The following CBX2 variants were observed in gnomAD, a reference collection of about 807,000 sequenced individuals.
CBX2 encodes the protein chromobox protein homolog 2.
Under a neutral mutation model 21.0 loss-of-function variants are expected in CBX2, and 11 were observed. The observed-to-expected ratio is 0.52, with a 90% CI of 0.33 to 0.87. The LOEUF is 0.87. Among genes scored for constraint, CBX2 ranks in the 40% least tolerant of loss-of-function variants. The pLI, the probability that CBX2 is intolerant of heterozygous loss-of-function variation, is 0.02. For missense variants in CBX2, 746 were observed against 724.3 expected (o/e 1.03, Z -0.34); for synonymous variants, 364 against 304.6 (o/e 1.19, Z -2.03).
intron 3 of CBX2, among the ~76,000 whole-genome samples, chr17:79,780,386 C>T (rs544129434): frequency 9.2e-5 from 14 of 152,232 alleles, no homozygotes; most frequent in South Asian, 4.1e-4. Context: ...TCTGGTGGGG[C>T]GAGCAAAAAG....
intron 4 of CBX2, chr17:79,782,113 G>C (rs782376373): frequency 2.5e-6 from 4 of 1,613,352 alleles, no homozygotes; most frequent in East Asian, 2.2e-5. Flanking sequence ...GGGGGTCCTT[G>C]GGGGACGGAA....
upstream of CBX2, among the ~76,000 whole-genome samples, chr17:79,777,846 C>G (rs1287124290): frequency 1.1e-4 from 17 of 150,534 alleles, no homozygotes; most frequent in Admixed American, 7.3e-4. Flanking sequence ...CCGGGAATCA[C>G]GCGGGACTCG....
At position 79,784,982 on chromosome 17, in the gene CBX2, C is replaced by T. The variant is rs1555831456; in HGVS notation, c.1539C>T (p.Ile513=). The T allele has an allele frequency of 1.2e-6, 2 of 1,607,680 alleles. No individual in the cohort carries two copies. Among genetic ancestry groups the T allele is most frequent in the Non-Finnish European group, 1.7e-6 (2 of 1,179,990 alleles). The change falls in exon 5 of 5, where the codon ATC becomes ATT. Residue 513 remains isoleucine (I), a synonymous_variant. Transcript: ENST00000310942. The surrounding 1 kb of genome is among the most constrained non-coding windows in gnomAD (Gnocchi z 5.9). ...VFVTDVTANL[I]TVTVKESPTS... The stretch of plus-strand genomic sequence containing the variant: ...TCACCGACGTCACTGCCAACCTCAT[C>T]ACCGTCACAGTGAAGGAGTCTCCCA...
intron 3 of CBX2, among the ~76,000 whole-genome samples, chr17:79,781,487 T>TA (rs1907195720): frequency 6.6e-6 from 1 of 152,178 alleles, no homozygotes; most frequent in Admixed American, 6.5e-5. Context: ...AGCTTGTCCT[T>TA]AGCCAAATGA....
intron 4 of CBX2, chr17:79,782,361 C>T: frequency 6.9e-7 from 1 of 1,445,218 alleles, no homozygotes; most frequent in Non-Finnish European, 9.1e-7. Flanking sequence ...CCTGTCACCC[C>T]TCCTCGCTAC....
chr17:79,783,694 G>A (rs1034922091), intron 4 of CBX2, 38 bp from the exon 5 acceptor site: 1 of 1,528,174 alleles, frequency 6.5e-7, no homozygotes, highest in African/African-American at 1.4e-5. Context: ...ACAGGCGTGA[G>A]CCACTGCACC....
chr17:79,784,744 G>A lies in CBX2; in HGVS notation c.1301G>A (p.Ser434Asn). ...AGCAAGAGGGACTGTGTCAAGGGCA[G>A]TGCTACCCCCAGTGGGCAGGAGAGC... is the stretch of plus-strand genomic sequence containing the variant. Reference protein sequence around the residue: ...PASKRDCVKGSATPSGQESRT... With the variant: ...PASKRDCVKGNATPSGQESRT... The change falls in exon 5 of 5, where the codon AGT becomes AAT. Residue 434 changes from serine to asparagine, a missense_variant. Transcript: ENST00000310942. The surrounding 1 kb of genome is among the most constrained non-coding windows in gnomAD (Gnocchi z 5.9). 1 of 1,611,146 alleles carries A rather than the reference G, an allele frequency of 6.2e-7. No homozygotes were observed. The highest frequency in any genetic ancestry group is 8.5e-7 in the Non-Finnish European group (1 of 1,179,176).
chr17:79,786,472 C>CA lies in CBX2; in HGVS notation c.*1432dup, dbSNP rs1392012580. On this transcript the variant is annotated 3_prime_UTR_variant, in exon 5 of 5. Coordinates refer to ENST00000310942, the MANE Select transcript of CBX2 (RefSeq NM_005189.3). The stretch of plus-strand genomic sequence containing the variant: ...CTCGGCCCTGAGGCCCCTGTTAACT[C>CA]AAGACTGTGAGCTGCCTCTAGGTGG... 6.6e-6 allele frequency: 1 copy of CA among 150,402 alleles called. No individual in the cohort carries two copies. The highest frequency in any genetic ancestry group is 1.5e-5 in the Non-Finnish European group (1 of 68,084). 9.3% of individuals were successfully genotyped at this position (150,402 alleles called of 1,614,324 possible). A position where few individuals can be genotyped will look rare whatever the true frequency, so the allele number is the denominator to read the frequency against.
Position 79,778,151 on chromosome 17 carries a change from G to A in CBX2, c.-85G>A. ...CGGGCCGGCGCCGGGCGGGGGCGGT[G>A]CTTTGTGTGCTGCCGGCGGGGCGCG... is the stretch of plus-strand genomic sequence containing the variant. On this transcript the variant is annotated 5_prime_UTR_variant, in exon 1 of 5. Coordinates refer to ENST00000310942, the MANE Select transcript of CBX2 (RefSeq NM_005189.3). The surrounding 1 kb of genome is among the most constrained non-coding windows in gnomAD (Gnocchi z 4.8). The A allele has an allele frequency of 1.4e-6, 1 of 714,344 alleles. No homozygotes were observed. Among genetic ancestry groups the A allele is most frequent in the Non-Finnish European group, 1.8e-6 (1 of 561,550 alleles). The allele number at this position is 714,344 out of a possible 1,614,324, so 44.3% of individuals were successfully genotyped here.
At chr17:79,778,119 C>A, upstream of CBX2, 1 of 317,142 alleles carries the variant, frequency 3.2e-6, no homozygotes, top group Non-Finnish European at 4.5e-6. The surrounding 1 kb of genome is among the most constrained non-coding windows in gnomAD (Gnocchi z 4.8). Context: ...GGTGCGCGTG[C>A]GCGGGGCGGG....
rs781956526 is a variant in CBX2 at position 79,784,308 on chromosome 17, G to A, written c.865G>A (p.Asp289Asn). Residue 289 changes from aspartate (D) to asparagine (N), a missense_variant, in exon 5 of 5, where the codon GAC becomes AAC. Physicochemically the swap from Asp to Asn is conservative, Grantham distance 23. This residue lies in a region of CBX2 where 701 missense variants were observed against 650.7 expected (regional missense o/e 1.08). Coordinates refer to ENST00000310942, the MANE Select transcript of CBX2 (RefSeq NM_005189.3). This position sits in a 1 kb window ranked among gnomAD's most constrained non-coding sequence, Gnocchi z 5.9. ...CACCAACAAGTGCGGCCTCGGGCTG[G>A]ACCTGAAGGTGAGGACGCAGAAAGG... ...QATNKCGLGL[D>N]LKVRTQKGEL... 6.8e-6 allele frequency: 11 copies of A among 1,613,118 alleles called. No homozygotes were observed. Among genetic ancestry groups the A allele is most frequent in the Non-Finnish European group, 8.5e-6 (10 of 1,179,960 alleles).
chr17:79,782,774 C>T (rs782225831), intron 4 of CBX2, among the ~76,000 whole-genome samples: 7 of 152,112 alleles, frequency 4.6e-5, no homozygotes, highest in Non-Finnish European at 8.8e-5. Flanking sequence ...GGAGATCACT[C>T]CTGTTGAAGT....
At position 79,783,714 on chromosome 17, in the gene CBX2, T is replaced by C. The variant is rs1242543845; in HGVS notation, c.289-18T>C. 3.2e-6 allele frequency: 5 copies of C among 1,550,550 alleles called. No individual in the cohort carries two copies. The highest frequency in any genetic ancestry group is 4.4e-6 in the Non-Finnish European group (5 of 1,146,132). Reference sequence around the variant, plus strand: ...CGTGAGCCACTGCACCCAGCCAACTTCTCCTTTATCTTTCCAGGAACCCGA... The same window carrying C: ...CGTGAGCCACTGCACCCAGCCAACTCCTCCTTTATCTTTCCAGGAACCCGA... On this transcript the variant is annotated intron_variant, in intron 4 of 4. Transcript: ENST00000310942.
In CBX2 at chr17:79,784,361, C is replaced by G. The variant is rs1555831187; in HGVS notation, c.918C>G (p.Ser306Arg). Residue 306 changes from serine (S) to arginine (R), a missense_variant, in exon 5 of 5, where the codon AGC becomes AGG. This residue lies in a region of CBX2 where 701 missense variants were observed against 650.7 expected (regional missense o/e 1.08). Coordinates refer to ENST00000310942, the MANE Select transcript of CBX2 (RefSeq NM_005189.3). The surrounding 1 kb of genome is among the most constrained non-coding windows in gnomAD (Gnocchi z 5.9). Reference sequence around the variant, plus strand: ...AGCTGGGAATGAGCCCTCCAGGAAGCAAAATCCCGAAGGCCCCCAGCGGTG... The same window carrying G: ...AGCTGGGAATGAGCCCTCCAGGAAGGAAAATCCCGAAGGCCCCCAGCGGTG... ...KGELGMSPPG[S>R]KIPKAPSGGA... The G allele has an allele frequency of 6.2e-7, 1 of 1,613,104 alleles. No homozygotes were observed. Among genetic ancestry groups the G allele is most frequent in the Non-Finnish European group, 8.5e-7 (1 of 1,179,884 alleles).
At chr17:79,777,365 C>T (rs1340261215), upstream of CBX2, among the ~76,000 whole-genome samples, 5 of 152,120 alleles carry the variant, frequency 3.3e-5, no homozygotes, top group African/African-American at 1.2e-4. Context: ...TCATCAAAAT[C>T]GGGGAACAAA....
Position 79,784,427 on chromosome 17 carries a change from G to A in CBX2, c.984G>A (p.Pro328=), listed in dbSNP as rs782524266. ...EQKVGNTGGP[P]HTHGASRVPA... is the part of the protein sequence containing the mutation. ...AAGTGGGGAACACAGGGGGCCCCCC[G>A]CACACCCATGGTGCCAGCAGGGTGC... is the stretch of plus-strand genomic sequence containing the variant. Residue 328 remains proline (P), a synonymous_variant, in exon 5 of 5, where the codon CCG becomes CCA. Transcript: ENST00000310942. This position sits in a 1 kb window ranked among gnomAD's most constrained non-coding sequence, Gnocchi z 5.9. 1.7e-5 allele frequency: 27 copies of A among 1,611,604 alleles called. No individual in the cohort carries two copies. Among genetic ancestry groups the A allele is most frequent in the African/African-American group, 5.3e-5 (4 of 74,892 alleles).
rs61739322 is a variant in CBX2 at position 79,784,020 on chromosome 17, C to G, written c.577C>G (p.Leu193Val). ...GGTGCTGAAGACCGCCCGGAAGGAT[C>G]TGGGGGCCCCGGCCAGCAAGCTGCC... ...AKVLKTARKD[L>V]GAPASKLPPP... The change falls in exon 5 of 5, where the codon CTG becomes GTG. Residue 193 changes from leucine (L) to valine (V), a missense_variant. Coordinates refer to ENST00000310942, the MANE Select transcript of CBX2 (RefSeq NM_005189.3). This position sits in a 1 kb window ranked among gnomAD's most constrained non-coding sequence, Gnocchi z 5.9. The G allele has an allele frequency of 1.9e-5, 31 of 1,613,120 alleles. No homozygotes were observed. The highest frequency in any genetic ancestry group is 2.5e-5 in the Non-Finnish European group (30 of 1,179,966).
Position 79,784,866 on chromosome 17 carries a change from T to C in CBX2, c.1423T>C (p.Ser475Pro). 6.2e-7 allele frequency: 1 copy of C among 1,613,220 alleles called. No homozygotes were observed. Among genetic ancestry groups the C allele is most frequent in the South Asian group, 1.1e-5 (1 of 91,074 alleles). Residue 475 changes from serine (S) to proline (P), a missense_variant, in exon 5 of 5, where the codon TCG becomes CCG. By Grantham distance (74) the Ser-to-Pro change is moderately conservative. This residue lies in a region of CBX2 where 701 missense variants were observed against 650.7 expected (regional missense o/e 1.08). Transcript: ENST00000310942. This position sits in a 1 kb window ranked among gnomAD's most constrained non-coding sequence, Gnocchi z 5.9. ...SSSDSDPDSA[S>P]PPSTGQNPSV... Reference sequence around the variant, plus strand: ...CTCGGACTCCGACCCCGACTCCGCCTCGCCGCCCAGCACTGGACAGAACCC... The same window carrying C: ...CTCGGACTCCGACCCCGACTCCGCCCCGCCGCCCAGCACTGGACAGAACCC...
intron 3 of CBX2, among the ~76,000 whole-genome samples, chr17:79,779,909 G>A (rs1907045066): frequency 6.6e-6 from 1 of 152,262 alleles, no homozygotes; most frequent in South Asian, 2.1e-4. Context: ...TGCCTATTGT[G>A]ATGTCTCTCT....
Sources: allele counts gnomAD v4.1 joint callset (sites outside exome capture counted in the v4.1 genomes callset), GRCh38; gene constraint gnomAD v4.1.1; regional missense constraint gnomAD v4.1.1; non-coding constraint Gnocchi (gnomAD v3.1); transcripts MANE v1.5; gene names NCBI Gene and HGNC (gene_info 2026-07-23, HGNC 2026-07-21).